Variants in RGS6 observed in about 807,000 individuals in gnomAD.
The protein encoded by RGS6 is regulator of G protein signaling 6.
Under a neutral mutation model 78.5 loss-of-function variants are expected in RGS6, and 30 were observed. The ratio of observed to expected loss-of-function variants is 0.38; its 90% CI spans 0.29 to 0.52. The LOEUF is 0.52. Ranked by LOEUF, RGS6 falls within the 20% of genes least tolerant of loss-of-function variation. RGS6 has a pLI of 0.85. For missense variants in RGS6, 495 were observed against 609.7 expected (o/e 0.81, Z 1.98); for synonymous variants, 206 against 206.0 (o/e 1.00, Z 0.00).
chr14:72,628,589 C>T, the RGS6 span, among the ~76,000 whole-genome samples: 2 of 152,030 alleles, frequency 1.3e-5, no homozygotes, highest in Admixed American at 6.6e-5. Context: ...AGGCATTATA[C>T]ATCCTGATGA....
chr14:71,989,926 G>A (rs1566970895), intron 2 of RGS6, among the ~76,000 whole-genome samples: 1 of 151,474 alleles, frequency 6.6e-6, no homozygotes, highest in Non-Finnish European at 1.5e-5. Flanking sequence ...AGTCCATTTT[G>A]TGTTGCTGTA....
the RGS6 span, among the ~76,000 whole-genome samples, chr14:71,886,527 G>C: frequency 3.3e-5 from 5 of 152,170 alleles, no homozygotes; most frequent in Non-Finnish European, 7.3e-5. Flanking sequence ...GGTGTATTTG[G>C]ATACATACAC....
chr14:71,992,662 A>G (rs1425924411), intron 2 of RGS6, among the ~76,000 whole-genome samples: 2 of 152,204 alleles, frequency 1.3e-5, no homozygotes, highest in South Asian at 4.1e-4. Flanking sequence ...GTTTTTACGC[A>G]CGTTAGTAAT....
intron 16 of RGS6, among the ~76,000 whole-genome samples, chr14:72,539,085 C>T (rs188663386): frequency 1.1e-3 from 162 of 152,296 alleles, no homozygotes; most frequent in Non-Finnish European, 1.8e-3. Context: ...GGTATTTGAG[C>T]GGTCATTCTA....
intron 2 of RGS6, among the ~76,000 whole-genome samples, chr14:72,036,607 C>T (rs557879037): frequency 2.8e-4 from 43 of 152,114 alleles, no homozygotes; most frequent in African/African-American, 9.6e-4. Context: ...GCTTATTTGC[C>T]GACCCTACGT....
At chr14:72,257,770 A>G (rs2057367971) in intron 2 of RGS6, among the ~76,000 whole-genome samples, 1 of 152,164 alleles carries the variant, frequency 6.6e-6, no homozygotes. Flanking sequence ...AACAGTCCTG[A>G]TCAAAGAAGG....
At chr14:72,292,963 T>C (rs1405366321) in intron 2 of RGS6, among the ~76,000 whole-genome samples, 1 of 152,244 alleles carries the variant, frequency 6.6e-6, no homozygotes, top group Non-Finnish European at 1.5e-5. Context: ...TGTGAGGCTC[T>C]TTCTCATCCC....
chr14:72,561,343 C>A (rs905517762), intron 17 of RGS6, among the ~76,000 whole-genome samples: 1 of 152,112 alleles, frequency 6.6e-6, no homozygotes, highest in African/African-American at 2.4e-5. Flanking sequence ...TCACAGATGG[C>A]GGTGGTGTCG....
intron 3 of RGS6, among the ~76,000 whole-genome samples, chr14:72,415,994 A>C (rs2093782010): frequency 6.6e-6 from 1 of 152,010 alleles, no homozygotes; most frequent in South Asian, 2.1e-4. Context: ...CTAAAAATAC[A>C]AAAATTAGCC....
At chr14:72,553,050 A>ATGTGCACAGGTG (rs1296380552) in intron 17 of RGS6, among the ~76,000 whole-genome samples, 2 of 152,202 alleles carry the variant, frequency 1.3e-5, no homozygotes, top group African/African-American at 2.4e-5. Flanking sequence ...GTGTATGCAC[A>ATGTGCACAGGTG]TGTGCACAGG....
chr14:72,156,533 T>TC (rs957727230), intron 2 of RGS6, among the ~76,000 whole-genome samples: 1 of 151,854 alleles, frequency 6.6e-6, no homozygotes, highest in African/African-American at 2.4e-5. Flanking sequence ...GTTCATACGT[T>TC]CACCTTTGAG....
chr14:72,625,203 C>T, the RGS6 span, among the ~76,000 whole-genome samples: 1 of 152,004 alleles, frequency 6.6e-6, no homozygotes, highest in Admixed American at 6.6e-5. Flanking sequence ...TGATTATTTC[C>T]CCTTTCCCTC....
intron 2 of RGS6, among the ~76,000 whole-genome samples, chr14:72,309,642 C>A (rs982961942): frequency 6.6e-6 from 1 of 152,216 alleles, no homozygotes; most frequent in Non-Finnish European, 1.5e-5. Context: ...ATTATTAATT[C>A]ATGCATTTGA....
At chr14:72,622,272 T>C in the RGS6 span, among the ~76,000 whole-genome samples, 3 of 152,266 alleles carry the variant, frequency 2.0e-5, no homozygotes, top group Admixed American at 1.3e-4. Flanking sequence ...AGAAGTACAC[T>C]TGGGGTACTC....
At chr14:71,905,994 A>G in the RGS6 span, among the ~76,000 whole-genome samples, 126,357 of 152,128 alleles carry the variant, frequency 0.83, 52,677 homozygotes, top group African/African-American at 0.85. Context: ...ACAGAAGCCA[A>G]CTTTGAGCTA....
At chr14:72,172,497 A>G (rs1158589616) in intron 2 of RGS6, among the ~76,000 whole-genome samples, 2 of 152,076 alleles carry the variant, frequency 1.3e-5, no homozygotes, top group East Asian at 1.9e-4. Context: ...TGTGTTATGT[A>G]TATTATTATA....
chr14:72,563,067 G>A lies in RGS6; in HGVS notation c.*600G>A, dbSNP rs1316698865. On this transcript the variant is annotated 3_prime_UTR_variant, in exon 18 of 18. Transcript: ENST00000553525. ...ATCTTCAGCAAGAAAGCAACCTCAC[G>A]GATTGCCCCGCCTCAAGGTCTTTCC... The A allele has an allele frequency of 1.6e-5, 7 of 426,370 alleles. No individual in the cohort carries two copies. The Middle Eastern group carries it at 2.0e-3, about 124-fold the overall frequency. The allele number at this position is 426,370 out of a possible 1,614,324, so 26.4% of individuals were successfully genotyped here.
At chr14:72,464,482 T>C (rs1285003832) in intron 6 of RGS6, among the ~76,000 whole-genome samples, 2 of 152,190 alleles carry the variant, frequency 1.3e-5, no homozygotes, top group South Asian at 2.1e-4. Flanking sequence ...CAAAATGTCA[T>C]AGGTATCAGT....
chr14:72,130,393 C>T (rs912135818), intron 2 of RGS6, among the ~76,000 whole-genome samples: 2 of 152,074 alleles, frequency 1.3e-5, no homozygotes, highest in African/African-American at 4.8e-5. Flanking sequence ...ATCTCCAGTC[C>T]CTGTCATTTC....
Sources: allele counts gnomAD v4.1 joint callset (sites outside exome capture counted in the v4.1 genomes callset), GRCh38; gene constraint gnomAD v4.1.1; transcripts MANE v1.5; gene names NCBI Gene and HGNC (gene_info 2026-07-23, HGNC 2026-07-21).